The following TSNAX variants were observed in gnomAD, a reference collection of about 807,000 sequenced individuals.
TSNAX encodes translin associated factor X, also known as translin-associated protein X.
In TSNAX, 12 loss-of-function variants were observed where a neutral mutation model predicts 33.0. The observed-to-expected ratio is 0.36, with a 90% CI of 0.23 to 0.59. The LOEUF (loss-of-function observed/expected upper bound fraction) is 0.59. Among genes scored for constraint, TSNAX ranks in the 20% least tolerant of loss-of-function variants. The pLI is 0.74. For synonymous variants in TSNAX, 110 were observed against 117.2 expected, an observed-to-expected ratio of 0.94 and a Z score of 0.40; for missense variants, 267 against 341.3, an observed-to-expected ratio of 0.78 and a Z score of 1.72.
chr1:231,543,109 T>A (rs866993263), intron 4 of TSNAX, among the ~76,000 whole-genome samples: 1 of 150,102 alleles, frequency 6.7e-6, no homozygotes, highest in Non-Finnish European at 1.5e-5. Context: ...ACCCGGGAGG[T>A]GGAGGTTGCA....
In TSNAX at chr1:231,565,012, CAT is replaced by C. The variant is rs1280730738; in HGVS notation, c.*110_*111del. 3 of 1,318,820 alleles carry C rather than the reference CAT, an allele frequency of 2.3e-6. No individual in the cohort carries two copies. The highest frequency in any genetic ancestry group is 3.1e-6 in the Non-Finnish European group (3 of 972,302). The allele number at this position is 1,318,820 out of a possible 1,614,324, so 81.7% of individuals were successfully genotyped here. A position where few individuals can be genotyped will look rare whatever the true frequency, so the allele number is the denominator to read the frequency against. ...CTTTATTGTGGCTTTTACATAGAAA[CAT>C]ATTCAGTTGTACTTGTTTTAAATTG... is the stretch of plus-strand genomic sequence containing the variant. On this transcript the variant is annotated 3_prime_UTR_variant, in exon 6 of 6. Coordinates refer to ENST00000366639, the MANE Select transcript of TSNAX (RefSeq NM_005999.3).
chr1:231,559,085 G>A (rs1036663166), intron 4 of TSNAX, among the ~76,000 whole-genome samples: 11 of 152,084 alleles, frequency 7.2e-5, no homozygotes, highest in African/African-American at 2.7e-4. Flanking sequence ...GGCAGGTGGG[G>A]GAGACTTGTG....
At chr1:231,544,995 AAAT>A (rs1480594709) in intron 4 of TSNAX, among the ~76,000 whole-genome samples, 1 of 152,220 alleles carries the variant, frequency 6.6e-6, no homozygotes, top group Non-Finnish European at 1.5e-5. Flanking sequence ...TCATGGATTA[AAAT>A]AATGAAGGAT....
chr1:231,550,908 A>G (rs1660256298), intron 4 of TSNAX, among the ~76,000 whole-genome samples: 1 of 152,218 alleles, frequency 6.6e-6, no homozygotes, highest in South Asian at 2.1e-4. Context: ...ATCATGGCTC[A>G]GACAAGGGAA....
chr1:231,561,039 TAGA>T, intron 4 of TSNAX, 86 bp from the exon 5 acceptor site: 1 of 1,325,144 alleles, frequency 7.5e-7, no homozygotes, highest in African/African-American at 1.5e-5. Flanking sequence ...TTTTTTGAAC[TAGA>T]TGATGATCAA....
At position 231,542,714 on chromosome 1, in the gene TSNAX, A is replaced by G. The variant is rs1572116045; in HGVS notation, c.367+103A>G. 6.7e-6 allele frequency: 9 copies of G among 1,333,360 alleles called. No individual in the cohort carries two copies. The East Asian group carries it at 2.1e-4, about 31-fold the overall frequency. 82.6% of individuals were successfully genotyped at this position (1,333,360 alleles called of 1,614,324 possible). On this transcript the variant is annotated intron_variant, in intron 4 of 5. Coordinates refer to ENST00000366639, the MANE Select transcript of TSNAX (RefSeq NM_005999.3). ...TTAAGTGACACCTGATGAAATAATAATACTGGCTTTTAAAGAACTGCAACT... is the reference window on the plus strand; with the variant it reads ...TTAAGTGACACCTGATGAAATAATAGTACTGGCTTTTAAAGAACTGCAACT...
At chr1:231,544,440 T>A (rs200623285) in intron 4 of TSNAX, among the ~76,000 whole-genome samples, 13 of 152,258 alleles carry the variant, frequency 8.5e-5, no homozygotes, top group Non-Finnish European at 1.6e-4. Context: ...TTCAGTCTGC[T>A]TAAAACTTGT....
At chr1:231,533,153 G>T (rs1572099417) in intron 2 of TSNAX, among the ~76,000 whole-genome samples, 1 of 142,196 alleles carries the variant, frequency 7.0e-6, no homozygotes, top group Non-Finnish European at 1.5e-5. Context: ...TGCAACCTCC[G>T]CCTCCCAGGT....
intron 2 of TSNAX, among the ~76,000 whole-genome samples, chr1:231,531,718 A>G (rs887127054): frequency 2.0e-5 from 3 of 152,300 alleles, no homozygotes; most frequent in Admixed American, 6.5e-5. Flanking sequence ...AGTTCGTGCA[A>G]TATACATGAT....
chr1:231,553,796 T>C (rs1655286), intron 4 of TSNAX, among the ~76,000 whole-genome samples: 72,585 of 151,474 alleles, frequency 0.48, 19,241 homozygotes, highest in African/African-American at 0.72. Flanking sequence ...AAGCGATTCT[T>C]TTGCCTCAGC....
intron 3 of TSNAX, among the ~76,000 whole-genome samples, chr1:231,539,894 C>T (rs1659449212): frequency 6.6e-6 from 1 of 152,066 alleles, no homozygotes; most frequent in Non-Finnish European, 1.5e-5. Context: ...AAAGATACTT[C>T]ATGAAAGAGG....
intron 2 of TSNAX, among the ~76,000 whole-genome samples, chr1:231,532,185 C>CACACACACAG (rs1356252515): frequency 2.8e-4 from 32 of 116,130 alleles, no homozygotes; most frequent in African/African-American, 4.7e-4. Flanking sequence ...CACACACACA[C>CACACACACAG]AGTTTTGGTT....
At chr1:231,561,026 CT>C in intron 4 of TSNAX, 101 bp from the exon 5 acceptor site, 255 of 1,200,614 alleles carry the variant, frequency 2.1e-4, no homozygotes, top group Admixed American at 3.4e-4. Flanking sequence ...ATCCATTAAG[CT>C]TTTTTTTGAA....
intron 2 of TSNAX, 97 bp from the exon 3 acceptor site, chr1:231,537,116 C>A: frequency 2.3e-6 from 2 of 856,072 alleles, no homozygotes; most frequent in Non-Finnish European, 3.6e-6. Context: ...CAGGCGTGAG[C>A]CACCGCACCC....
chr1:231,560,269 G>A (rs967061270), intron 4 of TSNAX, among the ~76,000 whole-genome samples: 1 of 151,886 alleles, frequency 6.6e-6, no homozygotes, highest in African/African-American at 2.4e-5. Flanking sequence ...GTGAGCCATC[G>A]TGAACGGCCC....
chr1:231,535,956 AT>A (rs1253036693), intron 2 of TSNAX: 1 of 152,228 alleles, frequency 6.6e-6, no homozygotes, highest in Admixed American at 6.5e-5. Flanking sequence ...CGAAGATAGT[AT>A]GTAAGAATTG....
chr1:231,546,886 G>T (rs1459432300), intron 4 of TSNAX, among the ~76,000 whole-genome samples: 3 of 152,160 alleles, frequency 2.0e-5, no homozygotes, highest in Non-Finnish European at 4.4e-5. Context: ...GAGGAGTGGG[G>T]GATGGCGCCT....
intron 4 of TSNAX, among the ~76,000 whole-genome samples, chr1:231,552,672 C>T (rs922322105): frequency 5.9e-5 from 9 of 152,160 alleles, no homozygotes; most frequent in Admixed American, 3.9e-4. Flanking sequence ...ATGTACTTAT[C>T]ACTGTCTAAT....
chr1:231,545,144 T>A (rs1222000974), intron 4 of TSNAX, among the ~76,000 whole-genome samples: 1 of 152,226 alleles, frequency 6.6e-6, no homozygotes, highest in African/African-American at 2.4e-5. Flanking sequence ...TGCTGACAGA[T>A]ATTTTATTTG....
Sources: gnomAD v4.1 joint callset for allele counts (sites outside exome capture counted in the v4.1 genomes callset) on GRCh38, gnomAD v4.1.1 for gene constraint, MANE v1.5 for transcripts, NCBI Gene and HGNC (gene_info 2026-07-23, HGNC 2026-07-21) for gene names.